The following SRGAP1 variants were observed in gnomAD, a reference collection of about 807,000 sequenced individuals.
SRGAP1 encodes SLIT-ROBO Rho GTPase activating protein 1, also known as SLIT-ROBO Rho GTPase-activating protein 1.
In SRGAP1, 43 loss-of-function variants were observed where a neutral mutation model predicts 121.9. The observed-to-expected ratio is 0.35, with a 90% CI of 0.28 to 0.46. The LOEUF is 0.46. SRGAP1 is among the 20% of genes least tolerant of loss of function. The probability of loss-of-function intolerance (pLI) is 1.00; values close to 1 mark genes in which losing one functional copy is unlikely to be tolerated. For synonymous variants in SRGAP1, 447 were observed against 485.4 expected, an observed-to-expected ratio of 0.92 and a Z score of 1.04; for missense variants, 1,102 against 1,350.9, an observed-to-expected ratio of 0.82 and a Z score of 2.89.
intron 1 of SRGAP1, among the ~76,000 whole-genome samples, chr12:63,858,134 A>G (rs1899316329): frequency 6.6e-6 from 1 of 151,326 alleles, no homozygotes; most frequent in Admixed American, 6.6e-5. Flanking sequence ...AGATTTCCTA[A>G]TATTTAACCT....
chr12:63,871,274 C>A (rs1356129073), intron 1 of SRGAP1, among the ~76,000 whole-genome samples: 2 of 152,158 alleles, frequency 1.3e-5, no homozygotes, highest in Non-Finnish European at 2.9e-5. Flanking sequence ...CATGTAGCTC[C>A]TTGCTTTTTG....
chr12:64,136,983 G>T (rs2036865647), intron 21 of SRGAP1, among the ~76,000 whole-genome samples: 1 of 152,086 alleles, frequency 6.6e-6, no homozygotes, highest in Non-Finnish European at 1.5e-5. Context: ...ATAAAAACAG[G>T]CCAGGCACAG....
chr12:64,094,871 A>G, intron 12 of SRGAP1, 61 bp from the exon 13 acceptor site: 1 of 1,464,958 alleles, frequency 6.8e-7, no homozygotes, highest in Non-Finnish European at 9.5e-7. Context: ...TCTAAGCCTT[A>G]TTATTATGAG....
intron 2 of SRGAP1, among the ~76,000 whole-genome samples, chr12:63,989,020 AG>A (rs2033488290): frequency 6.6e-6 from 1 of 152,012 alleles, no homozygotes; most frequent in Non-Finnish European, 1.5e-5. Flanking sequence ...CATGTTGCCC[AG>A]GCTGTCTCAA....
chr12:64,019,564 C>G (rs756583565), intron 4 of SRGAP1, among the ~76,000 whole-genome samples: 22 of 150,932 alleles, frequency 1.5e-4, no homozygotes, highest in Non-Finnish European at 2.8e-4. Flanking sequence ...ATCACTCATG[C>G]ACACACACAC....
At chr12:64,098,524 G>A (rs2036202690) in intron 15 of SRGAP1, among the ~76,000 whole-genome samples, 1 of 152,042 alleles carries the variant, frequency 6.6e-6, no homozygotes, top group South Asian at 2.1e-4. Context: ...TAAAAAATTA[G>A]CCAGGCATGG....
intron 1 of SRGAP1, among the ~76,000 whole-genome samples, chr12:63,935,081 G>A (rs188258199): frequency 3.8e-4 from 58 of 152,274 alleles, no homozygotes; most frequent in Admixed American, 3.3e-4. Context: ...TGTGAACATC[G>A]GGAGAGGAGG....
chr12:64,080,674 C>T (rs2035821379), intron 10 of SRGAP1: 2 of 433,908 alleles, frequency 4.6e-6, no homozygotes, highest in African/African-American at 4.0e-5. Flanking sequence ...GGAAACACTG[C>T]CCCTCCCCTA....
At chr12:63,921,386 G>A (rs575116698) in intron 1 of SRGAP1, among the ~76,000 whole-genome samples, 12 of 152,164 alleles carry the variant, frequency 7.9e-5, no homozygotes, top group African/African-American at 1.7e-4. Context: ...AGTAATCCAC[G>A]ATATGACCTG....
chr12:64,062,435 T>C (rs2035466815), intron 6 of SRGAP1, among the ~76,000 whole-genome samples: 1 of 152,230 alleles, frequency 6.6e-6, no homozygotes, highest in African/African-American at 2.4e-5. Flanking sequence ...ATTCTAGATA[T>C]AAGTACCTAA....
At chr12:63,961,380 C>T (rs986907500) in intron 1 of SRGAP1, among the ~76,000 whole-genome samples, 11 of 152,352 alleles carry the variant, frequency 7.2e-5, no homozygotes, top group Non-Finnish European at 1.3e-4. Flanking sequence ...TCGCCCCCTT[C>T]TTTCCTCACC....
intron 1 of SRGAP1, among the ~76,000 whole-genome samples, chr12:63,913,901 G>A (rs918749577): frequency 2.0e-5 from 3 of 151,688 alleles, no homozygotes; most frequent in Non-Finnish European, 2.9e-5. Flanking sequence ...TTTTATGAAA[G>A]TATCCATCGT....
At chr12:64,112,153 C>T (rs767828686) in intron 17 of SRGAP1, among the ~76,000 whole-genome samples, 167 bp downstream of exon 17, 2 of 152,118 alleles carry the variant, frequency 1.3e-5, no homozygotes, top group Non-Finnish European at 2.9e-5. Flanking sequence ...CCCATGGAAA[C>T]TCATATTCAT....
In SRGAP1 at chr12:63,989,967, AAGG is replaced by A; in HGVS notation, c.324_326del (p.Arg109del). The A allele has an allele frequency of 6.2e-7, 1 of 1,613,672 alleles. No homozygotes were observed. The highest frequency in any genetic ancestry group is 8.5e-7 in the Non-Finnish European group (1 of 1,179,610). ...GCTGGTATTTGCTCCTGAACCAAGT[AAGG>A]AGAGAAAGCAAAGACCATGCAACCT... On this transcript the variant is annotated inframe_deletion, in exon 3 of 22. Transcript: ENST00000355086.
At chr12:63,991,768 A>G (rs2033562270) in intron 3 of SRGAP1, among the ~76,000 whole-genome samples, 1 of 152,222 alleles carries the variant, frequency 6.6e-6, no homozygotes, top group Admixed American at 6.5e-5. Context: ...GTATGGCACT[A>G]TATAATGCTT....
At chr12:63,982,010 G>A (rs545394069) in intron 1 of SRGAP1, among the ~76,000 whole-genome samples, 1 of 151,970 alleles carries the variant, frequency 6.6e-6, no homozygotes, top group Non-Finnish European at 1.5e-5. Flanking sequence ...TCAGGAGATC[G>A]AGACAGTCCT....
At chr12:63,897,578 A>T (rs562385781) in intron 1 of SRGAP1, among the ~76,000 whole-genome samples, 3 of 152,332 alleles carry the variant, frequency 2.0e-5, no homozygotes, top group Admixed American at 2.0e-4. Context: ...CGTAACTCCG[A>T]CATGCTCTCA....
intron 4 of SRGAP1, among the ~76,000 whole-genome samples, chr12:64,027,565 A>G (rs1385576864): frequency 1.3e-5 from 2 of 152,154 alleles, no homozygotes; most frequent in Non-Finnish European, 2.9e-5. Context: ...CACAAAGTAC[A>G]TTCATAGAAT....
At chr12:63,890,852 C>T (rs1029324183) in intron 1 of SRGAP1, among the ~76,000 whole-genome samples, 2 of 152,184 alleles carry the variant, frequency 1.3e-5, no homozygotes, top group Admixed American at 6.5e-5. Flanking sequence ...TTAAATGCCC[C>T]CATCTCTTGA....
Sources: allele counts gnomAD v4.1 joint callset (sites outside exome capture counted in the v4.1 genomes callset), GRCh38; gene constraint gnomAD v4.1.1; transcripts MANE v1.5; gene names NCBI Gene and HGNC (gene_info 2026-07-23, HGNC 2026-07-21).